CAPZB: variants seen among roughly 807,000 people sequenced by gnomAD.
The protein encoded by CAPZB is F-actin-capping protein subunit beta.
Under a neutral mutation model 38.1 loss-of-function variants are expected in CAPZB, and 2 were observed. The ratio of observed to expected loss-of-function variants is 0.05; its 90% CI spans 0.02 to 0.17. The LOEUF (loss-of-function observed/expected upper bound fraction) is 0.17. Among genes scored for constraint, CAPZB ranks in the 10% least tolerant of loss-of-function variants. The pLI is 1.00. For missense variants in CAPZB, 161 were observed against 334.2 expected, an observed-to-expected ratio of 0.48 and a Z score of 4.04; for synonymous variants, 107 against 127.4, an observed-to-expected ratio of 0.84 and a Z score of 1.08.
rs1454920239 is a variant in CAPZB at position 19,379,095 on chromosome 1, T to C, written c.216-442A>G. On this transcript the variant is annotated intron_variant, in intron 3 of 8. Coordinates refer to ENST00000264202, the MANE Select transcript of CAPZB (RefSeq NM_004930.5). ...TTTGTGTTCACCACCTATTTTTTTT[T>C]CTTTCTTTTTTTTTTTTTTTTAAGA... 4.8e-4 allele frequency among the ~76,000 whole-genome samples: 60 copies of C among 124,966 alleles called. 1 individual carries two copies. The highest frequency in any genetic ancestry group is 1.7e-3 in the African/African-American group (57 of 34,544). The allele number at this position is 124,966 out of a possible 152,430, so 82.0% of individuals were successfully genotyped here.
At chr1:19,343,385 C>T (rs1205600276) in intron 8 of CAPZB, among the ~76,000 whole-genome samples, 3 of 152,192 alleles carry the variant, frequency 2.0e-5, no homozygotes, top group Non-Finnish European at 4.4e-5. Context: ...CAGCCTGCCT[C>T]TCCTCTGGGC....
At chr1:19,392,218 C>T (rs1187764107) in intron 2 of CAPZB, among the ~76,000 whole-genome samples, 11 of 150,312 alleles carry the variant, frequency 7.3e-5, no homozygotes, top group Admixed American at 4.6e-4. Flanking sequence ...AGGCAGGAAG[C>T]GAACCTGCAG....
Position 19,382,042 on chromosome 1 carries a change from C to G in CAPZB, c.216-3389G>C, listed in dbSNP as rs1275120874. On this transcript the variant is annotated intron_variant, in intron 3 of 8. Transcript: ENST00000264202. ...TCTGCAGCACACTCATACGCAGGAC[C>G]GTTCCCACAGTTCGATGACAGCCAT... 4.6e-5 allele frequency among the ~76,000 whole-genome samples: 7 copies of G among 152,206 alleles called. No homozygotes were observed. In the South Asian group the frequency reaches 1.5e-3, roughly 32 times the overall value.
chr1:19,412,298 C>T (rs973520913), intron 2 of CAPZB, among the ~76,000 whole-genome samples: 1 of 152,200 alleles, frequency 6.6e-6, no homozygotes, highest in Non-Finnish European at 1.5e-5. Context: ...GAGGAGAAAA[C>T]TTCCAGGCAG....
intron 1 of CAPZB, among the ~76,000 whole-genome samples, chr1:19,425,433 C>CA (rs1462496839): frequency 6.6e-6 from 1 of 151,562 alleles, no homozygotes; most frequent in Non-Finnish European, 1.5e-5. Context: ...ATGGTGCAGT[C>CA]AAAATCAGTG....
intron 1 of CAPZB, among the ~76,000 whole-genome samples, chr1:19,438,783 C>A (rs1363361590): frequency 6.6e-6 from 1 of 152,302 alleles, no homozygotes; most frequent in South Asian, 2.1e-4. Flanking sequence ...AGGGGTGCAA[C>A]GAAGGCAAGG....
chr1:19,450,078 G>C (rs1206674476), intron 1 of CAPZB, among the ~76,000 whole-genome samples: 1 of 148,892 alleles, frequency 6.7e-6, no homozygotes, highest in South Asian at 2.1e-4. Flanking sequence ...CAGGAGGTGG[G>C]GGCTGCAGTG....
At chr1:19,469,962 CAT>C (rs2094581572) in intron 1 of CAPZB, among the ~76,000 whole-genome samples, 1 of 152,226 alleles carries the variant, frequency 6.6e-6, no homozygotes. Context: ...ACCGTCTTCA[CAT>C]GTCACATGTT....
At chr1:19,404,232 CAAAAAAAAAAA>C (rs35225006) in intron 2 of CAPZB, among the ~76,000 whole-genome samples, 1 of 62,436 alleles carries the variant, frequency 1.6e-5, no homozygotes, top group Non-Finnish European at 2.9e-5. Context: ...GACTCCATCT[CAAAAAAAAAAA>C]AAAAAAAAAA....
chr1:19,463,802 G>C (rs975374298), intron 1 of CAPZB, among the ~76,000 whole-genome samples: 1 of 152,204 alleles, frequency 6.6e-6, no homozygotes, highest in Non-Finnish European at 1.5e-5. Flanking sequence ...ACACAGGGTG[G>C]AGAAACGTGG....
chr1:19,483,058 G>A lies in CAPZB; in HGVS notation c.3+2378C>T, dbSNP rs1171393099. 3.9e-5 allele frequency among the ~76,000 whole-genome samples: 6 copies of A among 152,282 alleles called. No individual in the cohort carries two copies. The East Asian group carries it at 1.2e-3, about 29-fold the overall frequency. On this transcript the variant is annotated intron_variant, in intron 1 of 8. Coordinates refer to ENST00000264202, the MANE Select transcript of CAPZB (RefSeq NM_004930.5). ...CGCCAGGTGCTGTTCTAGGCCCCACGGATACAGCTGCGGAAAACACAAGAC... is the reference window on the plus strand; with the variant it reads ...CGCCAGGTGCTGTTCTAGGCCCCACAGATACAGCTGCGGAAAACACAAGAC...
intron 1 of CAPZB, among the ~76,000 whole-genome samples, chr1:19,477,476 G>C (rs1484067114): frequency 6.6e-6 from 1 of 152,224 alleles, no homozygotes; most frequent in African/African-American, 2.4e-5. Flanking sequence ...AGTGTCTCAA[G>C]ACTTTTCACA....
chr1:19,393,156 G>A (rs1293898356), intron 2 of CAPZB, among the ~76,000 whole-genome samples: 1 of 152,250 alleles, frequency 6.6e-6, no homozygotes, highest in Non-Finnish European at 1.5e-5. Context: ...ATGTAGCCGA[G>A]GCTGGAGCTT....
At chr1:19,427,499 T>C (rs920274280) in intron 1 of CAPZB, among the ~76,000 whole-genome samples, 21 of 152,334 alleles carry the variant, frequency 1.4e-4, no homozygotes, top group African/African-American at 5.0e-4. Flanking sequence ...ATAAGCAACT[T>C]TGTTTAAACG....
Position 19,340,165 on chromosome 1 carries a change from G to A in CAPZB, c.732-548C>T, listed in dbSNP as rs1252845647. On this transcript the variant is annotated intron_variant, in intron 8 of 8. Transcript: ENST00000264202. ...ATTCCTCATCCCACAAGTGCAAGGT[G>A]CAGCGTTATCCCACCCTTGGGAGTG... Among the ~76,000 whole-genome samples the A allele has an allele frequency of 2.0e-5, 3 of 152,230 alleles. No individual in the cohort carries two copies. In the South Asian group the frequency reaches 6.2e-4, roughly 31 times the overall value.
intron 4 of CAPZB, among the ~76,000 whole-genome samples, chr1:19,368,470 G>GC (rs1386066334): frequency 1.4e-5 from 2 of 145,444 alleles, no homozygotes; most frequent in Non-Finnish European, 3.0e-5. Context: ...CAGAGTGAGA[G>GC]CCCCCGTCTC....
intron 1 of CAPZB, among the ~76,000 whole-genome samples, chr1:19,470,570 T>G (rs1278201611): frequency 6.6e-6 from 1 of 152,016 alleles, no homozygotes; most frequent in African/African-American, 2.4e-5. Flanking sequence ...CACACAAGAG[T>G]GTAGAATCTA....
At position 19,357,406 on chromosome 1, in the gene CAPZB, T is replaced by A; in HGVS notation, c.471+16A>T. The A allele has an allele frequency of 1.9e-6, 3 of 1,613,140 alleles. No individual in the cohort carries two copies. The highest frequency in any genetic ancestry group is 2.5e-6 in the Non-Finnish European group (3 of 1,179,712). ...GTACTTAGTGGCCCGGGCCACCAGC[T>A]GCTGGGAGGCAGTACCTGCACTTCT... On this transcript the variant is annotated intron_variant, in intron 5 of 8. Transcript: ENST00000264202. The surrounding 1 kb of genome is among the most constrained non-coding windows in gnomAD (Gnocchi z 4.3).
chr1:19,390,990 G>A (rs867325104), intron 2 of CAPZB, among the ~76,000 whole-genome samples: 1 of 152,152 alleles, frequency 6.6e-6, no homozygotes, highest in African/African-American at 2.4e-5. Flanking sequence ...ACGCAGCTAC[G>A]GGCCAATGTC....
Sources: allele counts gnomAD v4.1 joint callset (sites outside exome capture counted in the v4.1 genomes callset), GRCh38; gene constraint gnomAD v4.1.1; non-coding constraint Gnocchi (gnomAD v3.1); transcripts MANE v1.5; gene names NCBI Gene and HGNC (gene_info 2026-07-23, HGNC 2026-07-21).